The following VAPA variants were observed in gnomAD, a reference collection of about 807,000 sequenced individuals.
VAPA encodes VAMP associated protein A, also known as vesicle-associated membrane protein-associated protein A.
Under a neutral mutation model 25.6 loss-of-function variants are expected in VAPA, and 6 were observed. That is an observed-to-expected ratio of 0.23 (90% confidence interval 0.13 to 0.46). The LOEUF (loss-of-function observed/expected upper bound fraction) is 0.46. Ranked by LOEUF, VAPA falls within the 20% of genes least tolerant of loss-of-function variation. VAPA has a pLI of 0.99. For synonymous variants in VAPA, 112 were observed against 106.2 expected, an observed-to-expected ratio of 1.05 and a Z score of -0.34; for missense variants, 244 against 302.1, an observed-to-expected ratio of 0.81 and a Z score of 1.43.
At chr18:9,925,310 G>C (rs887804803) in intron 1 of VAPA, among the ~76,000 whole-genome samples, 2 of 152,076 alleles carry the variant, frequency 1.3e-5, no homozygotes, top group African/African-American at 4.8e-5. Flanking sequence ...AATATGGACA[G>C]TGAGGCAATT....
chr18:9,946,917 G>T (rs970982389), intron 4 of VAPA, among the ~76,000 whole-genome samples: 1 of 151,978 alleles, frequency 6.6e-6, no homozygotes, highest in Non-Finnish European at 1.5e-5. Context: ...GTCCTTATTC[G>T]CTGCCTTTTT....
chr18:9,939,010 T>G lies in VAPA; in HGVS notation c.417+1944T>G, dbSNP rs985606301. Among the ~76,000 whole-genome samples, 9 of 152,284 alleles carry G rather than the reference T, an allele frequency of 5.9e-5. No homozygotes were observed. In the East Asian group the frequency reaches 1.5e-3, roughly 26 times the overall value. ...TTTCAAAGTACTTTAAAAAAAGAGA[T>G]AAAAGAGTTTTAATGACAATACTGT... On this transcript the variant is annotated intron_variant, in intron 4 of 5. Coordinates refer to ENST00000400000, the MANE Select transcript of VAPA (RefSeq NM_194434.3).
At chr18:9,949,598 A>G (rs1599117849) in intron 4 of VAPA, 1 of 152,220 alleles carries the variant, frequency 6.6e-6, no homozygotes, top group African/African-American at 2.4e-5. Flanking sequence ...AAATTATTTT[A>G]AAGTAAGTGA....
intron 4 of VAPA, among the ~76,000 whole-genome samples, chr18:9,946,254 C>G (rs1005544784): frequency 5.9e-5 from 9 of 152,160 alleles, no homozygotes; most frequent in African/African-American, 2.2e-4. Flanking sequence ...ATAGAGTGTA[C>G]TTACAAAAAC....
chr18:9,919,139 T>C (rs957515302), intron 1 of VAPA, among the ~76,000 whole-genome samples: 1 of 152,228 alleles, frequency 6.6e-6, no homozygotes, highest in Non-Finnish European at 1.5e-5. Context: ...TGCCTTGGCC[T>C]CCTAAAGTGC....
rs1421468762 is a variant in VAPA at position 9,954,893 on chromosome 18, C to G, written c.*682C>G. The G allele has an allele frequency of 2.0e-5, 3 of 152,564 alleles. No individual in the cohort carries two copies. Among genetic ancestry groups the G allele is most frequent in the African/African-American group, 2.4e-5 (1 of 41,452 alleles). The allele number at this position is 152,564 out of a possible 1,614,324, so 9.5% of individuals were successfully genotyped here. ...TATATGGTCACTTGAAATTATGATG[C>G]AAAGGTTTCTCTTGCATTGAAACCC... On this transcript the variant is annotated 3_prime_UTR_variant, in exon 6 of 6. Transcript: ENST00000400000.
rs77125792 is a variant in VAPA at position 9,938,195 on chromosome 18, A to T, written c.417+1129A>T. On this transcript the variant is annotated intron_variant, in intron 4 of 5. Transcript: ENST00000400000. ...AGCATGTTGTCTGGATTGACTTTTT[A>T]AAAAAAAATTTGGATATTTTCTCAC... 3.8e-3 allele frequency among the ~76,000 whole-genome samples: 574 copies of T among 152,020 alleles called. 10 individuals carry two copies. The East Asian group carries it at 0.046, about 12-fold the overall frequency.
intron 1 of VAPA, among the ~76,000 whole-genome samples, chr18:9,917,662 C>T (rs905233868): frequency 6.6e-6 from 1 of 152,260 alleles, no homozygotes; most frequent in African/African-American, 2.4e-5. Flanking sequence ...TCTTAATGAT[C>T]AGAGAGAGAC....
At chr18:9,927,940 G>A (rs778147741) in intron 1 of VAPA, among the ~76,000 whole-genome samples, 141 of 152,214 alleles carry the variant, frequency 9.3e-4, no homozygotes, top group Middle Eastern at 3.4e-3. Context: ...TTGAAAGGTA[G>A]AAGTATTTTA....
intron 4 of VAPA, among the ~76,000 whole-genome samples, chr18:9,946,504 G>T (rs3973685): frequency 0.16 from 23,543 of 150,752 alleles, 1,984 homozygotes; most frequent in African/African-American, 0.22. Flanking sequence ...TCATTAGTTA[G>T]TGTTAGTGTT....
At chr18:9,941,099 A>C (rs1026179040) in intron 4 of VAPA, among the ~76,000 whole-genome samples, 2 of 151,918 alleles carry the variant, frequency 1.3e-5, no homozygotes, top group African/African-American at 4.9e-5. Flanking sequence ...CGTAACGGTA[A>C]AGAAATATAT....
chr18:9,945,398 T>C (rs1248905396), intron 4 of VAPA, among the ~76,000 whole-genome samples: 2 of 123,956 alleles, frequency 1.6e-5, no homozygotes, highest in African/African-American at 6.2e-5. Context: ...TCTCGCTCTG[T>C]CACCCAGGCT....
At chr18:9,922,368 G>A (rs2143295267) in intron 1 of VAPA, among the ~76,000 whole-genome samples, 2 of 152,200 alleles carry the variant, frequency 1.3e-5, no homozygotes, top group South Asian at 4.1e-4. Context: ...CATTTTCTTT[G>A]CATAATCATG....
chr18:9,943,044 G>A (rs967586214), intron 4 of VAPA, among the ~76,000 whole-genome samples: 5 of 152,128 alleles, frequency 3.3e-5, no homozygotes, highest in Admixed American at 6.5e-5. Flanking sequence ...AAAAGAGTAT[G>A]ATGTTATTTT....
intron 2 of VAPA, among the ~76,000 whole-genome samples, chr18:9,935,209 TTAAA>T (rs1382642997): frequency 1.3e-5 from 2 of 152,152 alleles, no homozygotes; most frequent in African/African-American, 2.4e-5. Context: ...CTTAGAAGAT[TTAAA>T]TAAATTCATA....
intron 4 of VAPA, among the ~76,000 whole-genome samples, chr18:9,941,085 A>G (rs1364149861): frequency 1.3e-5 from 2 of 151,894 alleles, no homozygotes; most frequent in Non-Finnish European, 2.9e-5. Context: ...AGGCTCTGAG[A>G]AAACGTAACG....
intron 1 of VAPA, among the ~76,000 whole-genome samples, chr18:9,915,471 A>T (rs114183255): frequency 1.4e-3 from 217 of 152,322 alleles, no homozygotes; most frequent in African/African-American, 5.1e-3. Context: ...AGGAATACTG[A>T]AAGAGTGTGA....
chr18:9,956,933 A>C lies in VAPA; in HGVS notation c.*2722A>C, dbSNP rs1443783272. 2 of 152,184 alleles carry C rather than the reference A, an allele frequency of 1.3e-5. No homozygotes were observed. The highest frequency in any genetic ancestry group is 2.9e-5 in the Non-Finnish European group (2 of 68,028). 9.4% of individuals were successfully genotyped at this position (152,184 alleles called of 1,614,324 possible). A position where few individuals can be genotyped will look rare whatever the true frequency, so the allele number is the denominator to read the frequency against. On this transcript the variant is annotated 3_prime_UTR_variant, in exon 6 of 6. Coordinates refer to ENST00000400000, the MANE Select transcript of VAPA (RefSeq NM_194434.3). ...CCATTCTTATATTTACAAGAAGCTA[A>C]GTCATTATGTTCTGAGTGTGTGGTA...
rs372690575 is a variant in VAPA at position 9,954,236 on chromosome 18, CTTTTTTTTT to C, written c.*30_*38del. Reference sequence around the variant, plus strand: ...GAGTGAAGCATGCAGAGTGCTGTTTCTTTTTTTTTTTTTCTCTTGACCAGAAAAAGATTT... The same window carrying C: ...GAGTGAAGCATGCAGAGTGCTGTTTCTTTTCTCTTGACCAGAAAAAGATTT... On this transcript the variant is annotated 3_prime_UTR_variant, in exon 6 of 6. Transcript: ENST00000400000. 1 of 1,058,766 alleles carries C rather than the reference CTTTTTTTTT, an allele frequency of 9.4e-7. No individual in the cohort carries two copies. The highest frequency in any genetic ancestry group is 1.7e-5 in the South Asian group (1 of 57,254). 65.6% of individuals were successfully genotyped at this position (1,058,766 alleles called of 1,614,324 possible).
Sources: allele counts gnomAD v4.1 joint callset (sites outside exome capture counted in the v4.1 genomes callset), GRCh38; gene constraint gnomAD v4.1.1; transcripts MANE v1.5; gene names NCBI Gene and HGNC (gene_info 2026-07-23, HGNC 2026-07-21).